Variants in TNKS observed in about 807,000 individuals in gnomAD.
TNKS encodes the protein tankyrase.
Under a neutral mutation model 135.8 loss-of-function variants are expected in TNKS, and 72 were observed. The ratio of observed to expected loss-of-function variants is 0.53; its 90% CI spans 0.44 to 0.64. The LOEUF (loss-of-function observed/expected upper bound fraction) is 0.64. TNKS is among the 30% of genes least tolerant of loss of function. TNKS has a pLI of 0.00. For synonymous variants in TNKS, 849 were observed against 649.3 expected (o/e 1.31, Z -4.68); for missense variants, 1,769 against 1,674.0 (o/e 1.06, Z -0.99).
intron 2 of TNKS, among the ~76,000 whole-genome samples, chr8:9,592,853 C>G (rs1433879743): frequency 6.6e-6 from 1 of 152,140 alleles, no homozygotes; most frequent in Non-Finnish European, 1.5e-5. Context: ...GCAATGTGAA[C>G]TTGCAGTATG....
At chr8:9,635,889 A>G (rs978875199) in intron 3 of TNKS, among the ~76,000 whole-genome samples, 1 of 152,216 alleles carries the variant, frequency 6.6e-6, no homozygotes, top group Admixed American at 6.5e-5. Flanking sequence ...TAAATGCAAA[A>G]TATATGATCC....
At chr8:9,680,177 A>G (rs574608557) in intron 4 of TNKS, among the ~76,000 whole-genome samples, 190 bp downstream of exon 4, 48 of 152,322 alleles carry the variant, frequency 3.2e-4, no homozygotes, top group Middle Eastern at 6.8e-3. Flanking sequence ...GGTGATGATT[A>G]TAAGGTTAAT....
At chr8:9,572,499 T>C (rs1419531431) in intron 1 of TNKS, among the ~76,000 whole-genome samples, 1 of 152,222 alleles carries the variant, frequency 6.6e-6, no homozygotes, top group African/African-American at 2.4e-5. Context: ...CTCTCTTACG[T>C]TTTCTCTTAT....
chr8:9,733,795 G>T (rs1287021716), intron 15 of TNKS, among the ~76,000 whole-genome samples: 3 of 151,840 alleles, frequency 2.0e-5, no homozygotes, highest in Non-Finnish European at 4.4e-5. Flanking sequence ...TTTCTTTGTT[G>T]GCTATTTTAT....
chr8:9,655,576 C>T (rs1412805375), intron 3 of TNKS, among the ~76,000 whole-genome samples: 10 of 152,264 alleles, frequency 6.6e-5, no homozygotes, highest in Admixed American at 2.6e-4. Context: ...GCAGCATTTG[C>T]GGTTCACCAA....
intron 5 of TNKS, among the ~76,000 whole-genome samples, chr8:9,692,207 C>T (rs561274925): frequency 2.0e-5 from 3 of 152,312 alleles, no homozygotes; most frequent in African/African-American, 7.2e-5. Flanking sequence ...CAACTCCCCT[C>T]TCAAGCAGTC....
At chr8:9,743,161 C>G (rs757622015) in intron 17 of TNKS, among the ~76,000 whole-genome samples, 1 of 152,154 alleles carries the variant, frequency 6.6e-6, no homozygotes, top group Non-Finnish European at 1.5e-5. Flanking sequence ...TGTGGCATAT[C>G]ATCTGGAATA....
chr8:9,636,451 C>CT (rs1800515598), intron 3 of TNKS, among the ~76,000 whole-genome samples: 1 of 151,196 alleles, frequency 6.6e-6, no homozygotes, highest in Non-Finnish European at 1.5e-5. Flanking sequence ...TTTTCTTTTT[C>CT]TTTACATTTT....
intron 2 of TNKS, among the ~76,000 whole-genome samples, chr8:9,598,230 G>A (rs1417851524): frequency 6.6e-6 from 1 of 151,992 alleles, no homozygotes; most frequent in Non-Finnish European, 1.5e-5. Flanking sequence ...TATTTTTTTA[G>A]TAGAGACGGG....
At chr8:9,613,514 A>C (rs1282217081) in intron 2 of TNKS, among the ~76,000 whole-genome samples, 1 of 152,208 alleles carries the variant, frequency 6.6e-6, no homozygotes. Flanking sequence ...GTGATGAATG[A>C]AATATGGTTA....
chr8:9,575,483 A>G lies in TNKS; in HGVS notation c.674-4676A>G, dbSNP rs567167421. On this transcript the variant is annotated intron_variant, in intron 1 of 26. Transcript: ENST00000310430. ...AGACAAACTGACCAACCAAAAAGAAAAGATAAGGAAAAATAAAAATAAAAA... is the reference window on the plus strand; with the variant it reads ...AGACAAACTGACCAACCAAAAAGAAGAGATAAGGAAAAATAAAAATAAAAA... 8.1e-5 allele frequency: 76 copies of G among 937,332 alleles called. No individual in the cohort carries two copies. The African/African-American group carries it at 1.3e-3, about 16-fold the overall frequency. The allele number at this position is 937,332 out of a possible 1,614,324, so 58.1% of individuals were successfully genotyped here.
At chr8:9,706,590 T>A (rs1013515031) in intron 7 of TNKS, among the ~76,000 whole-genome samples, 1 of 152,236 alleles carries the variant, frequency 6.6e-6, no homozygotes, top group Non-Finnish European at 1.5e-5. Context: ...TTTTTTAGAT[T>A]TTAAGAGAAT....
At chr8:9,712,480 T>C (rs967937832) in intron 11 of TNKS, among the ~76,000 whole-genome samples, 2 of 152,056 alleles carry the variant, frequency 1.3e-5, no homozygotes, top group Non-Finnish European at 2.9e-5. Flanking sequence ...ACTCTGTCTC[T>C]AAAGAAAAAT....
At chr8:9,574,393 C>G (rs1472709212) in intron 1 of TNKS, among the ~76,000 whole-genome samples, 1 of 152,178 alleles carries the variant, frequency 6.6e-6, no homozygotes, top group Non-Finnish European at 1.5e-5. Flanking sequence ...CCATTTTTCT[C>G]TTCTTTGACC....
Position 9,730,903 on chromosome 8 carries a change from C to T in TNKS, c.2015C>T (p.Ser672Phe). Residue 672 changes from serine to phenylalanine, a missense_variant, in exon 14 of 27, where the codon TCT becomes TTT. Physicochemically the swap from Ser to Phe is radical, Grantham distance 155. Coordinates refer to ENST00000310430, the MANE Select transcript of TNKS (RefSeq NM_003747.3). ...GCACCACGAAAGCAACTTTGCAGCT[C>T]TCAAAATGTGAATTGTAGAGACTTA... ...DLETVKQLCSSQNVNCRDLEG... is the reference protein window; with the variant it reads ...DLETVKQLCSFQNVNCRDLEG... 1 of 1,613,048 alleles carries T rather than the reference C, an allele frequency of 6.2e-7. No homozygotes were observed. Among genetic ancestry groups the T allele is most frequent in the Non-Finnish European group, 8.5e-7 (1 of 1,179,604 alleles).
At chr8:9,727,993 T>G (rs1366910276) in intron 13 of TNKS, among the ~76,000 whole-genome samples, 4 of 152,226 alleles carry the variant, frequency 2.6e-5, no homozygotes, top group Non-Finnish European at 4.4e-5. Flanking sequence ...ATAAGACGAT[T>G]AGGCTTCCTT....
At chr8:9,586,564 G>A (rs1330599311) in intron 2 of TNKS, among the ~76,000 whole-genome samples, 1 of 151,914 alleles carries the variant, frequency 6.6e-6, no homozygotes, top group African/African-American at 2.4e-5. Flanking sequence ...ACATACCTTA[G>A]CTTGTGATTA....
At position 9,748,059 on chromosome 8, in the gene TNKS, C is replaced by A. The variant is rs1806325182; in HGVS notation, c.2679C>A (p.Asn893Lys). Residue 893 changes from asparagine (N) to lysine (K), a missense_variant, in exon 18 of 27, where the codon AAC (asparagine) becomes AAA (lysine). Asn to Lys is a moderately conservative substitution (Grantham distance 94, BLOSUM62 0). This residue lies in a region of TNKS where 722 missense variants were observed against 688.9 expected (regional missense o/e 1.05). Coordinates refer to ENST00000310430, the MANE Select transcript of TNKS (RefSeq NM_003747.3). Reference sequence around the variant, plus strand: ...TAGCGGCTTTATTGATAAAATACAACACGTGTGTAAATGCAACAGATAAGT... The same window carrying A: ...TAGCGGCTTTATTGATAAAATACAAAACGTGTGTAAATGCAACAGATAAGT... The part of the protein sequence containing the change: ...VDIAALLIKY[N>K]TCVNATDKWA... 6.2e-7 allele frequency: 1 copy of A among 1,611,990 alleles called. No homozygotes were observed. The highest frequency in any genetic ancestry group is 1.7e-5 in the Admixed American group (1 of 59,466).
At position 9,710,016 on chromosome 8, in the gene TNKS, A is replaced by G. The variant is rs931830359; in HGVS notation, c.1640A>G (p.Lys547Arg). ...CAAGTGACAGAATTGTTACTTAGAAAAGGAGCAAATGTTAATGAAAAAAAT... is the reference window on the plus strand; with the variant it reads ...CAAGTGACAGAATTGTTACTTAGAAGAGGAGCAAATGTTAATGAAAAAAAT... ...RKQVTELLLR[K>R]GANVNEKNKD... Residue 547 changes from lysine to arginine, a missense_variant, in exon 10 of 27, where the codon AAA becomes AGA. Coordinates refer to ENST00000310430, the MANE Select transcript of TNKS (RefSeq NM_003747.3). 6.2e-7 allele frequency: 1 copy of G among 1,614,144 alleles called. No individual in the cohort carries two copies. Among genetic ancestry groups the G allele is most frequent in the Non-Finnish European group, 8.5e-7 (1 of 1,180,002 alleles).
Sources: gnomAD v4.1 joint callset for allele counts (sites outside exome capture counted in the v4.1 genomes callset) on GRCh38, gnomAD v4.1.1 for gene constraint, gnomAD v4.1.1 regional missense constraint, MANE v1.5 for transcripts, NCBI Gene and HGNC (gene_info 2026-07-23, HGNC 2026-07-21) for gene names.